The following RGS7 variants were observed in gnomAD, a reference collection of about 807,000 sequenced individuals.
RGS7 encodes the protein regulator of G-protein signaling 7.
In RGS7, 27 loss-of-function variants were observed where a neutral mutation model predicts 81.1. The ratio of observed to expected loss-of-function variants is 0.33; its 90% CI spans 0.25 to 0.46. The LOEUF is 0.46. Among genes scored for constraint, RGS7 ranks in the 20% least tolerant of loss-of-function variants. The pLI, the probability that RGS7 is intolerant of heterozygous loss-of-function variation, is 1.00. For synonymous variants in RGS7, 208 were observed against 207.7 expected (o/e 1.00, Z -0.01); for missense variants, 396 against 607.4 (o/e 0.65, Z 3.66).
chr1:240,880,160 G>A (rs1666127367), intron 6 of RGS7, among the ~76,000 whole-genome samples: 1 of 152,178 alleles, frequency 6.6e-6, no homozygotes. Flanking sequence ...TCCTGCCTCA[G>A]CCTCCTGAAT....
intron 6 of RGS7, among the ~76,000 whole-genome samples, chr1:240,928,890 C>T (rs1301838323): frequency 6.6e-6 from 1 of 152,082 alleles, no homozygotes; most frequent in East Asian, 1.9e-4. Context: ...GGATTATAGG[C>T]GTGAACCACT....
intron 3 of RGS7, among the ~76,000 whole-genome samples, chr1:240,988,696 T>G (rs1227867685): frequency 1.3e-5 from 2 of 152,292 alleles, no homozygotes; most frequent in Admixed American, 6.5e-5. Context: ...GCAGGAGAGA[T>G]GAACTCCAGC....
At chr1:240,914,069 C>A (rs261791) in intron 6 of RGS7, among the ~76,000 whole-genome samples, 1 of 127,394 alleles carries the variant, frequency 7.8e-6, no homozygotes, top group Admixed American at 8.5e-5. Context: ...CCCCTCCCCC[C>A]ACCCCACAAC....
At chr1:241,279,412 G>A (rs1027953057) in intron 2 of RGS7, among the ~76,000 whole-genome samples, 1 of 152,164 alleles carries the variant, frequency 6.6e-6, no homozygotes, top group Non-Finnish European at 1.5e-5. Context: ...GACAAAAATA[G>A]TCTTCTAACA....
At chr1:241,054,049 C>G (rs2061373089) in intron 3 of RGS7, among the ~76,000 whole-genome samples, 1 of 152,138 alleles carries the variant, frequency 6.6e-6, no homozygotes, top group Non-Finnish European at 1.5e-5. Flanking sequence ...CAGAAGCGCT[C>G]TATGACCTAT....
rs539739605 is a variant in RGS7, at chr1:240,973,615, A to T, written c.226+9464T>A. ...GAGACATTCTTTTTTTTGGAGATGGAGTCTCGCTCTGTTGCCCAGGCTGGA... is the reference window on the plus strand; with the variant it reads ...GAGACATTCTTTTTTTTGGAGATGGTGTCTCGCTCTGTTGCCCAGGCTGGA... On this transcript the variant is annotated intron_variant, in intron 4 of 18. Coordinates refer to ENST00000440928, the MANE Select transcript of RGS7 (RefSeq NM_001364886.1). Among the ~76,000 whole-genome samples, 3 of 152,006 alleles carry T rather than the reference A, an allele frequency of 2.0e-5. No homozygotes were observed. In the South Asian group the frequency reaches 6.2e-4, roughly 32 times the overall value.
At chr1:241,103,564 T>C (rs1259980299) in intron 2 of RGS7, among the ~76,000 whole-genome samples, 3 of 152,104 alleles carry the variant, frequency 2.0e-5, no homozygotes, top group Non-Finnish European at 4.4e-5. Context: ...GACAAATAGA[T>C]GAAGCTATTA....
At chr1:241,114,947 C>T (rs545254123) in intron 2 of RGS7, among the ~76,000 whole-genome samples, 5 of 152,174 alleles carry the variant, frequency 3.3e-5, no homozygotes, top group Non-Finnish European at 7.3e-5. Context: ...TTTCTTCTTT[C>T]CTTTCTCACA....
intron 2 of RGS7, among the ~76,000 whole-genome samples, chr1:241,125,327 A>G (rs928188411): frequency 2.6e-5 from 4 of 152,192 alleles, no homozygotes; most frequent in African/African-American, 9.7e-5. Flanking sequence ...AGGGGATAAC[A>G]ATGAGAGGGC....
At position 241,014,844 on chromosome 1, in the gene RGS7, G is replaced by A. The variant is rs528683499; in HGVS notation, c.176-31715C>T. Among the ~76,000 whole-genome samples the A allele has an allele frequency of 4.6e-5, 7 of 152,248 alleles. No individual in the cohort carries two copies. The East Asian group carries it at 1.3e-3, about 29-fold the overall frequency. On this transcript the variant is annotated intron_variant, in intron 3 of 18. Coordinates refer to ENST00000440928, the MANE Select transcript of RGS7 (RefSeq NM_001364886.1). ...GTGATCGGAAAAGGCATTTCAGCTG[G>A]CCATGAAGAATAGGTTGGTTTCCGT...
chr1:241,066,204 T>C (rs1339740740), intron 3 of RGS7, among the ~76,000 whole-genome samples: 1 of 152,206 alleles, frequency 6.6e-6, no homozygotes, highest in Non-Finnish European at 1.5e-5. Flanking sequence ...CCTGAAGGTG[T>C]TCCTCATTTT....
intron 3 of RGS7, among the ~76,000 whole-genome samples, chr1:241,032,421 C>G (rs975284329): frequency 6.6e-6 from 1 of 152,110 alleles, no homozygotes. Context: ...ATGCCTCCAG[C>G]TTTGTTCTTT....
chr1:240,798,750 G>C (rs758567378), intron 18 of RGS7, among the ~76,000 whole-genome samples: 10 of 152,098 alleles, frequency 6.6e-5, no homozygotes, highest in Admixed American at 5.9e-4. Flanking sequence ...TGCAGAGCCT[G>C]GTACATGGCA....
chr1:240,962,561 T>A (rs1408357200), intron 4 of RGS7, among the ~76,000 whole-genome samples: 1 of 152,128 alleles, frequency 6.6e-6, no homozygotes, highest in African/African-American at 2.4e-5. Context: ...GTAGTCTATT[T>A]AATAGGTGAA....
chr1:241,190,632 A>G (rs1175045270), intron 2 of RGS7, among the ~76,000 whole-genome samples: 2 of 152,208 alleles, frequency 1.3e-5, no homozygotes, highest in African/African-American at 4.8e-5. Flanking sequence ...GTTCATTGCT[A>G]TGATAAATAC....
Position 241,271,128 on chromosome 1 carries a change from C to A in RGS7, c.78+84571G>T, listed in dbSNP as rs1655853426. ...ATTGCCGACCTGTGTGGAATGTGAA[C>A]CTGAGTATTTTCTATTGGCGGGAAC... On this transcript the variant is annotated intron_variant, in intron 2 of 18. Transcript: ENST00000440928. This position sits in a 1 kb window ranked among gnomAD's most constrained non-coding sequence, Gnocchi z 4.6. 6.6e-6 allele frequency among the ~76,000 whole-genome samples: 1 copy of A among 152,138 alleles called. No homozygotes were observed. The highest frequency in any genetic ancestry group is 1.5e-5 in the Non-Finnish European group (1 of 68,032).
chr1:241,296,014 G>T (rs1283194498), intron 2 of RGS7, among the ~76,000 whole-genome samples: 1 of 152,220 alleles, frequency 6.6e-6, no homozygotes, highest in Non-Finnish European at 1.5e-5. Flanking sequence ...TTTCGAACAT[G>T]TTGAGCTTAA....
At chr1:241,273,956 A>T (rs1334903636) in intron 2 of RGS7, among the ~76,000 whole-genome samples, 2 of 152,190 alleles carry the variant, frequency 1.3e-5, no homozygotes, top group Non-Finnish European at 2.9e-5. Flanking sequence ...CTGCCAGCTC[A>T]TATGCAGCCA....
rs200770896 is a variant in RGS7 at position 241,147,780 on chromosome 1, T to TTATATATATATATATATA, written c.79-49036_79-49019dup. On this transcript the variant is annotated intron_variant, in intron 2 of 18. Transcript: ENST00000440928. ...TTAAATATCCCATCTAGATTAAGTT[T>TTATATATATATATATATA]TATATATATATATATATATATATAT... 2.8e-3 allele frequency among the ~76,000 whole-genome samples: 126 copies of TTATATATATATATATATA among 44,612 alleles called. 6 individuals carry two copies. Among genetic ancestry groups the TTATATATATATATATATA allele is most frequent in the Middle Eastern group, 0.023 (1 of 44 alleles). 29.3% of individuals were successfully genotyped at this position (44,612 alleles called of 152,430 possible).
Sources: allele counts gnomAD v4.1 joint callset (sites outside exome capture counted in the v4.1 genomes callset), GRCh38; gene constraint gnomAD v4.1.1; non-coding constraint Gnocchi (gnomAD v3.1); transcripts MANE v1.5; gene names NCBI Gene and HGNC (gene_info 2026-07-23, HGNC 2026-07-21).